The following GLG1 variants were observed in gnomAD, a reference collection of about 807,000 sequenced individuals.
GLG1 encodes the protein Golgi apparatus protein 1.
Under a neutral mutation model 160.5 loss-of-function variants are expected in GLG1, and 38 were observed. The observed-to-expected ratio is 0.24, with a 90% CI of 0.18 to 0.31. GLG1 has a LOEUF of 0.31. Among genes scored for constraint, GLG1 ranks in the 10% least tolerant of loss-of-function variants. The pLI is 1.00. For missense variants in GLG1, 1,373 were observed against 1,505.2 expected (o/e 0.91, Z 1.45); for synonymous variants, 644 against 543.4 (o/e 1.19, Z -2.57).
At chr16:74,582,378 C>T (rs1567538382) in intron 1 of GLG1, among the ~76,000 whole-genome samples, 1 of 151,998 alleles carries the variant, frequency 6.6e-6, no homozygotes, top group African/African-American at 2.4e-5. Context: ...GTTGGTCAGG[C>T]TGGTCTTGAA....
chr16:74,564,590 G>A (rs776404312), intron 1 of GLG1, among the ~76,000 whole-genome samples: 2 of 152,162 alleles, frequency 1.3e-5, no homozygotes, highest in Non-Finnish European at 2.9e-5. Context: ...AAAGTGCTAG[G>A]ACTGGAAACC....
rs1261909745 is a variant in GLG1, at chr16:74,449,661, G to A, written c.*3506C>T. Reference sequence around the variant, plus strand: ...TAAGGACAGCATGAGACAGCCAAAGGCCTGCAGTGTGTTCAAGTCAATACC... The same window carrying A: ...TAAGGACAGCATGAGACAGCCAAAGACCTGCAGTGTGTTCAAGTCAATACC... On this transcript the variant is annotated 3_prime_UTR_variant, in exon 26 of 26. Coordinates refer to ENST00000422840, the MANE Select transcript of GLG1 (RefSeq NM_001145667.2). The A allele has an allele frequency of 6.6e-6, 1 of 152,202 alleles. No homozygotes were observed. Among genetic ancestry groups the A allele is most frequent in the Non-Finnish European group, 1.5e-5 (1 of 68,074 alleles). The allele number at this position is 152,202 out of a possible 1,614,324, so 9.4% of individuals were successfully genotyped here. A position where few individuals can be genotyped will look rare whatever the true frequency, so the allele number is the denominator to read the frequency against.
intron 7 of GLG1, among the ~76,000 whole-genome samples, 190 bp downstream of exon 7, chr16:74,492,767 C>T (rs1215004935): frequency 6.7e-6 from 1 of 148,584 alleles, no homozygotes; most frequent in Admixed American, 6.8e-5. Context: ...TGCAGTGAGC[C>T]GAGATTGCGC....
In GLG1 at chr16:74,462,530, T is replaced by C. The variant is rs1379370543; in HGVS notation, c.2892A>G (p.Glu964=). The part of the protein sequence containing the change: ...LTKAKDDSEL[E]GQVISCLKLR... ...GCTTCAGGCAAGAGATGACTTGTCCTTCTAATTCTGAATCATCCTTGGCCT... is the reference window on the plus strand; with the variant it reads ...GCTTCAGGCAAGAGATGACTTGTCCCTCTAATTCTGAATCATCCTTGGCCT... Residue 964 remains glutamate, a synonymous_variant, in exon 21 of 26, where the codon GAA becomes GAG. Coordinates refer to ENST00000422840, the MANE Select transcript of GLG1 (RefSeq NM_001145667.2). 3.1e-6 allele frequency: 5 copies of C among 1,614,030 alleles called. No individual in the cohort carries two copies. Among genetic ancestry groups the C allele is most frequent in the Non-Finnish European group, 4.2e-6 (5 of 1,179,862 alleles).
At chr16:74,565,803 G>C (rs2018639427) in intron 1 of GLG1, among the ~76,000 whole-genome samples, 1 of 152,128 alleles carries the variant, frequency 6.6e-6, no homozygotes, top group African/African-American at 2.4e-5. Context: ...ACACCTTATT[G>C]GTTCTATGTC....
Position 74,452,367 on chromosome 16 carries a change from C to T in GLG1, c.*800G>A. On this transcript the variant is annotated 3_prime_UTR_variant, in exon 26 of 26. Transcript: ENST00000422840. ...CCCCGGGACTCAGGATCCAGCCTCT[C>T]AGTGCAGATGGATGGACTGTTCAAC... is the stretch of plus-strand genomic sequence containing the variant. 3 of 1,352,442 alleles carry T rather than the reference C, an allele frequency of 2.2e-6. No individual in the cohort carries two copies. The highest frequency in any genetic ancestry group is 3.1e-5 in the South Asian group (2 of 63,618). The allele number at this position is 1,352,442 out of a possible 1,614,324, so 83.8% of individuals were successfully genotyped here.
At chr16:74,501,567 A>G (rs2016404002) in intron 4 of GLG1, among the ~76,000 whole-genome samples, 1 of 152,208 alleles carries the variant, frequency 6.6e-6, no homozygotes, top group Admixed American at 6.5e-5. Context: ...AGCTAGAAGG[A>G]GGCTAATCAG....
At chr16:74,562,472 AT>A (rs2018537269) in intron 1 of GLG1, among the ~76,000 whole-genome samples, 1 of 151,650 alleles carries the variant, frequency 6.6e-6, no homozygotes, top group Admixed American at 6.6e-5. Context: ...TCTTTTTTTT[AT>A]TTTCTGTAGA....
chr16:74,468,387 C>T (rs574265279), intron 17 of GLG1: 1 of 155,186 alleles, frequency 6.4e-6, no homozygotes, highest in South Asian at 2.0e-4. Flanking sequence ...AGGTATGTGC[C>T]ACCACAGCTG....
Position 74,557,145 on chromosome 16 carries a change from T to C in GLG1, c.439-24992A>G, listed in dbSNP as rs1333803253. Among the ~76,000 whole-genome samples, 51 of 152,222 alleles carry C rather than the reference T, an allele frequency of 3.4e-4. 1 individual carries two copies. Among genetic ancestry groups the C allele is most frequent in the Admixed American group, 3.3e-3 (51 of 15,282 alleles). ...AAGTTTGTGGTTATTACAATCATTG[T>C]ATAAAGAGCTAAGTAAACTAGAAGA... On this transcript the variant is annotated intron_variant, in intron 1 of 25. Transcript: ENST00000422840.
At chr16:74,487,095 G>C (rs965561452) in intron 8 of GLG1, among the ~76,000 whole-genome samples, 1 of 152,052 alleles carries the variant, frequency 6.6e-6, no homozygotes, top group Non-Finnish European at 1.5e-5. Flanking sequence ...TGTATTTTTA[G>C]TGGGGATGAG....
chr16:74,533,772 T>G (rs140596457), intron 1 of GLG1, among the ~76,000 whole-genome samples: 7 of 151,914 alleles, frequency 4.6e-5, no homozygotes, highest in African/African-American at 1.7e-4. Flanking sequence ...CAGAGCGAGA[T>G]TCCATCTCAA....
rs1396638610 is a variant in GLG1 at position 74,497,948 on chromosome 16, T to C, written c.775-1304A>G. Among the ~76,000 whole-genome samples, 5 of 152,190 alleles carry C rather than the reference T, an allele frequency of 3.3e-5. No homozygotes were observed. In the South Asian group the frequency reaches 8.3e-4, roughly 25 times the overall value. On this transcript the variant is annotated intron_variant, in intron 4 of 25. Coordinates refer to ENST00000422840, the MANE Select transcript of GLG1 (RefSeq NM_001145667.2). ...ACACAAAACGCTTCTGAGAGTTTTC[T>C]TAAAAACCATCCAATTATCTTTAAT...
At chr16:74,467,072 C>A (rs2015026945) in intron 18 of GLG1, among the ~76,000 whole-genome samples, 1 of 152,146 alleles carries the variant, frequency 6.6e-6, no homozygotes, top group African/African-American at 2.4e-5. Context: ...ACTGAAACTA[C>A]AGATCATTAC....
Position 74,606,911 on chromosome 16 carries a change from G to A in GLG1, c.184C>T (p.Gln62Ter). ...QAGGGGPAGQQLPQLPQSSQL... is the reference protein window; with the variant it reads ...QAGGGGPAGQ ...GATGACTGAGGCAGCTGGGGCAGCT[G>A]CTGACCCGCCGGGCCGCCGCCTCCG... The change falls in exon 1 of 26, where the codon CAG becomes TAG. Residue 62 changes from glutamine to a stop codon, truncating the protein, a stop_gained. Coordinates refer to ENST00000422840, the MANE Select transcript of GLG1 (RefSeq NM_001145667.2). LOFTEE classifies it high-confidence loss of function. 1 of 1,605,344 alleles carries A rather than the reference G, an allele frequency of 6.2e-7. No individual in the cohort carries two copies. The highest frequency in any genetic ancestry group is 8.5e-7 in the Non-Finnish European group (1 of 1,177,712).
At chr16:74,508,732 G>C in intron 3 of GLG1, 107 bp downstream of exon 3, 6 of 618,652 alleles carry the variant, frequency 9.7e-6, no homozygotes, top group Non-Finnish European at 1.5e-5. Flanking sequence ...AGACAGATGT[G>C]AATTCTAAGA....
At chr16:74,473,533 G>A (rs868514774) in intron 13 of GLG1, among the ~76,000 whole-genome samples, 7 of 143,558 alleles carry the variant, frequency 4.9e-5, no homozygotes, top group African/African-American at 1.0e-4. Flanking sequence ...TCCGCCTCCC[G>A]GGTTCACGCC....
chr16:74,581,394 A>G (rs145217679), intron 1 of GLG1, among the ~76,000 whole-genome samples: 66 of 152,314 alleles, frequency 4.3e-4, no homozygotes, highest in African/African-American at 1.6e-3. Flanking sequence ...CCAGACATAA[A>G]AGGACAAATA....
intron 18 of GLG1, among the ~76,000 whole-genome samples, chr16:74,466,239 A>G (rs1051125236): frequency 6.6e-6 from 1 of 152,230 alleles, no homozygotes; most frequent in Non-Finnish European, 1.5e-5. Context: ...GCTAGATATG[A>G]ATCAGACCCA....
Sources: gnomAD v4.1 joint callset for allele counts (sites outside exome capture counted in the v4.1 genomes callset) on GRCh38, gnomAD v4.1.1 for gene constraint, MANE v1.5 for transcripts, NCBI Gene and HGNC (gene_info 2026-07-23, HGNC 2026-07-21) for gene names.